The following MRTFA variants were observed in gnomAD, a reference collection of about 807,000 sequenced individuals.
The protein encoded by MRTFA is myocardin-related transcription factor A.
A neutral mutation model predicts 83.5 loss-of-function variants in MRTFA; 20 were observed. The observed-to-expected ratio is 0.24, with a 90% CI of 0.17 to 0.35. The LOEUF is 0.35. Ranked by LOEUF, MRTFA falls within the 10% of genes least tolerant of loss-of-function variation. The probability of loss-of-function intolerance (pLI) is 1.00; values close to 1 mark genes in which losing one functional copy is unlikely to be tolerated. For missense variants in MRTFA, 1,200 were observed against 1,224.7 expected, an observed-to-expected ratio of 0.98 and a Z score of 0.30; for synonymous variants, 659 against 541.2, an observed-to-expected ratio of 1.22 and a Z score of -3.02.
chr22:40,510,141 T>C (rs1321337958), intron 3 of MRTFA, among the ~76,000 whole-genome samples: 1 of 152,144 alleles, frequency 6.6e-6, no homozygotes, highest in Non-Finnish European at 1.5e-5. Context: ...CTAGATAGTC[T>C]CTGGAGTACC....
intron 1 of MRTFA, among the ~76,000 whole-genome samples, chr22:40,619,884 C>T (rs1340078961): frequency 1.7e-4 from 23 of 133,608 alleles, no homozygotes; most frequent in African/African-American, 5.8e-4. Context: ...AGCGAAACTC[C>T]GTCTCAAAAA....
At chr22:40,608,248 C>T (rs988609404) in intron 1 of MRTFA, among the ~76,000 whole-genome samples, 1 of 152,156 alleles carries the variant, frequency 6.6e-6, no homozygotes, top group African/African-American at 2.4e-5. Flanking sequence ...CTCCCGACCT[C>T]AGGTGATCCA....
chr22:40,496,809 T>C (rs979060341), intron 3 of MRTFA, among the ~76,000 whole-genome samples: 9 of 151,046 alleles, frequency 6.0e-5, no homozygotes, highest in African/African-American at 2.2e-4. Context: ...ACTGTCTTTA[T>C]AATAAGCCAA....
At chr22:40,500,348 A>AT (rs67459262) in intron 3 of MRTFA, among the ~76,000 whole-genome samples, 114,270 of 138,884 alleles carry the variant, frequency 0.82, 47,236 homozygotes, top group Non-Finnish European at 0.87. Flanking sequence ...TATTTTTTTT[A>AT]TTTTTTTTTT....
At chr22:40,448,907 A>G (rs1423891477) in intron 4 of MRTFA, among the ~76,000 whole-genome samples, 1 of 152,178 alleles carries the variant, frequency 6.6e-6, no homozygotes. Flanking sequence ...TTGGAGATGA[A>G]CGCTCAGAAT....
intron 2 of MRTFA, among the ~76,000 whole-genome samples, chr22:40,554,022 T>C (rs2055483006): frequency 6.6e-6 from 1 of 152,216 alleles, no homozygotes; most frequent in Non-Finnish European, 1.5e-5. Flanking sequence ...GATTCTGGAC[T>C]TGCATGGGGC....
chr22:40,532,482 T>C (rs943136262), intron 3 of MRTFA, among the ~76,000 whole-genome samples: 17 of 152,196 alleles, frequency 1.1e-4, no homozygotes, highest in Admixed American at 6.5e-4. Flanking sequence ...CAAAGCTCAA[T>C]AGATCTGTAG....
At chr22:40,475,483 GC>G (rs1046332345) in intron 3 of MRTFA, among the ~76,000 whole-genome samples, 16 of 151,998 alleles carry the variant, frequency 1.1e-4, no homozygotes, top group African/African-American at 3.6e-4. Flanking sequence ...GTTGCAGTGA[GC>G]CGAAATTGTG....
At chr22:40,607,669 G>A (rs1192113485) in intron 1 of MRTFA, among the ~76,000 whole-genome samples, 1 of 152,182 alleles carries the variant, frequency 6.6e-6, no homozygotes, top group African/African-American at 2.4e-5. Context: ...ACACAACTCA[G>A]CAAAACCACC....
intron 2 of MRTFA, among the ~76,000 whole-genome samples, chr22:40,586,340 T>C (rs933444228): frequency 1.3e-5 from 2 of 150,206 alleles, no homozygotes; most frequent in Non-Finnish European, 3.0e-5. Context: ...GAAGCACAAA[T>C]TGTATTATTT....
rs567459121 is a variant in MRTFA, at chr22:40,539,339, A to ATT, written c.241+12765_241+12766dup. 2.3e-3 allele frequency among the ~76,000 whole-genome samples: 303 copies of ATT among 129,554 alleles called. 1 individual carries two copies. The Middle Eastern group carries it at 0.027, about 12-fold the overall frequency. 85.0% of individuals were successfully genotyped at this position (129,554 alleles called of 152,430 possible). A position where few individuals can be genotyped will look rare whatever the true frequency, so the allele number is the denominator to read the frequency against. ...TTAACAGTTTTGGCAGTTATTAACA[A>ATT]TTTTTTTTTTTTTTTTTTGAGACAG... On this transcript the variant is annotated intron_variant, in intron 3 of 14. Coordinates refer to ENST00000355630, the MANE Select transcript of MRTFA (RefSeq NM_020831.6).
intron 3 of MRTFA, among the ~76,000 whole-genome samples, chr22:40,536,450 G>A (rs2055177885): frequency 6.8e-6 from 1 of 147,812 alleles, no homozygotes; most frequent in Non-Finnish European, 1.5e-5. Context: ...GGGCCCCGCG[G>A]GGCCCGAGGG....
chr22:40,604,754 G>GAA (rs144149874), intron 1 of MRTFA, among the ~76,000 whole-genome samples: 6 of 151,186 alleles, frequency 4.0e-5, no homozygotes, highest in African/African-American at 1.5e-4. Flanking sequence ...TCAAAAAAAG[G>GAA]AAAAAAAAGA....
chr22:40,549,436 A>G (rs2055412815), intron 3 of MRTFA, among the ~76,000 whole-genome samples: 3 of 152,196 alleles, frequency 2.0e-5, no homozygotes, highest in Non-Finnish European at 4.4e-5. Flanking sequence ...AACATAAACA[A>G]ATTTCAAAAA....
rs546833477 is a variant in MRTFA, at chr22:40,488,529, T to A, written c.242-25243A>T. 5.9e-5 allele frequency among the ~76,000 whole-genome samples: 9 copies of A among 152,156 alleles called. No individual in the cohort carries two copies. The South Asian group carries it at 8.3e-4, about 14-fold the overall frequency. On this transcript the variant is annotated intron_variant, in intron 3 of 14. Coordinates refer to ENST00000355630, the MANE Select transcript of MRTFA (RefSeq NM_020831.6). Reference sequence around the variant, plus strand: ...GAGACTCCATCTCTCTCTTTTTTTTTAATTAAATTAAAAATTCAGCCGGGT... The same window carrying A: ...GAGACTCCATCTCTCTCTTTTTTTTAAATTAAATTAAAAATTCAGCCGGGT...
At chr22:40,418,044 C>T (rs2052724622) in intron 12 of MRTFA, among the ~76,000 whole-genome samples, 1 of 152,108 alleles carries the variant, frequency 6.6e-6, no homozygotes, top group South Asian at 2.1e-4. Flanking sequence ...CTACCTCTGA[C>T]CTTCACTGGC....
intron 2 of MRTFA, chr22:40,586,905 G>T: frequency 3.0e-6 from 1 of 328,320 alleles, no homozygotes; most frequent in Non-Finnish European, 6.4e-6. Context: ...TGCTGCTGGT[G>T]CTGCTGGTGC....
intron 3 of MRTFA, among the ~76,000 whole-genome samples, chr22:40,551,176 A>G (rs761696085): frequency 2.0e-5 from 3 of 151,948 alleles, no homozygotes; most frequent in African/African-American, 4.8e-5. Flanking sequence ...TCCATAACAA[A>G]TTATAGATTT....
At chr22:40,595,863 CTTTT>C (rs35215701) in intron 1 of MRTFA, among the ~76,000 whole-genome samples, 1 of 78,108 alleles carries the variant, frequency 1.3e-5, no homozygotes. Context: ...TATCTAAAGT[CTTTT>C]TTTTTTTTTT....
Sources: gnomAD v4.1 joint callset for allele counts (sites outside exome capture counted in the v4.1 genomes callset) on GRCh38, gnomAD v4.1.1 for gene constraint, MANE v1.5 for transcripts, NCBI Gene and HGNC (gene_info 2026-07-23, HGNC 2026-07-21) for gene names.